STAC: variants seen among roughly 807,000 people sequenced by gnomAD.
STAC encodes SH3 and cysteine rich domain, also known as SH3 and cysteine-rich domain-containing protein.
STAC carries 43 observed loss-of-function variants against 48.8 expected under a neutral mutation model. The observed-to-expected ratio is 0.88, with a 90% CI of 0.69 to 1.14. STAC has a LOEUF of 1.14. STAC is among the 50% of genes most tolerant of loss of function. STAC has a pLI of 0.00. For synonymous variants in STAC, 193 were observed against 179.5 expected, an observed-to-expected ratio of 1.07 and a Z score of -0.60; for missense variants, 497 against 504.0, an observed-to-expected ratio of 0.99 and a Z score of 0.13.
intron 5 of STAC, among the ~76,000 whole-genome samples, chr3:36,490,914 C>T (rs113580691): frequency 2.0e-5 from 3 of 152,320 alleles, no homozygotes; most frequent in African/African-American, 7.2e-5. Context: ...TCACCGTCCA[C>T]TTATACTGGC....
chr3:36,527,109 C>G (rs970537612), intron 8 of STAC, among the ~76,000 whole-genome samples: 1 of 152,112 alleles, frequency 6.6e-6, no homozygotes, highest in African/African-American at 2.4e-5. Flanking sequence ...AGAAGCCTGT[C>G]CACATCCACC....
chr3:36,493,284 G>C (rs1698043481), intron 6 of STAC, 55 bp downstream of exon 6: 1 of 1,556,902 alleles, frequency 6.4e-7, no homozygotes, highest in Admixed American at 1.7e-5. Context: ...AGGGTCAGTG[G>C]GCAGGCCAAG....
At chr3:36,455,911 G>A (rs1236622608) in intron 2 of STAC, among the ~76,000 whole-genome samples, 1 of 152,154 alleles carries the variant, frequency 6.6e-6, no homozygotes, top group Non-Finnish European at 1.5e-5. Flanking sequence ...AACAAAGCAA[G>A]TATCATTCTA....
At chr3:36,522,530 C>T (rs982940257) in intron 8 of STAC, among the ~76,000 whole-genome samples, 11 of 152,166 alleles carry the variant, frequency 7.2e-5, no homozygotes, top group Non-Finnish European at 1.6e-4. Flanking sequence ...CCAATGCACA[C>T]CCAATACCTG....
intron 10 of STAC, among the ~76,000 whole-genome samples, chr3:36,530,449 T>C (rs1437156905): frequency 1.3e-5 from 2 of 152,200 alleles, no homozygotes; most frequent in Admixed American, 1.3e-4. Flanking sequence ...CTTAAAATTA[T>C]AGCTATTTGT....
chr3:36,417,226 T>C (rs1362871198), intron 1 of STAC, among the ~76,000 whole-genome samples: 1 of 152,156 alleles, frequency 6.6e-6, no homozygotes, highest in African/African-American at 2.4e-5. Flanking sequence ...CATGATACCC[T>C]GTGTATGCCA....
At chr3:36,504,586 T>C (rs1239618556) in intron 7 of STAC, 129 bp downstream of exon 7, 2 of 705,664 alleles carry the variant, frequency 2.8e-6, no homozygotes, top group Non-Finnish European at 5.0e-6. Flanking sequence ...TAGAATAATA[T>C]AGCACAACGT....
intron 1 of STAC, among the ~76,000 whole-genome samples, chr3:36,423,528 A>T (rs1700492529): frequency 6.6e-6 from 1 of 151,914 alleles, no homozygotes. Context: ...ATTGTATATT[A>T]GATGCGTGTT....
At chr3:36,471,268 G>A (rs1487076798) in intron 2 of STAC, among the ~76,000 whole-genome samples, 1 of 152,126 alleles carries the variant, frequency 6.6e-6, no homozygotes, top group Non-Finnish European at 1.5e-5. Context: ...AATAGCAAGA[G>A]AAAGACCAGC....
At chr3:36,505,396 T>A (rs940896189) in intron 7 of STAC, among the ~76,000 whole-genome samples, 12 of 152,162 alleles carry the variant, frequency 7.9e-5, no homozygotes, top group African/African-American at 2.9e-4. Context: ...CTACTATTCA[T>A]GTGTCCCTCT....
intron 5 of STAC, among the ~76,000 whole-genome samples, chr3:36,487,793 C>T (rs969527070): frequency 5.9e-5 from 9 of 152,222 alleles, no homozygotes; most frequent in Non-Finnish European, 1.2e-4. Flanking sequence ...TGTTTCACTT[C>T]GGTAGACATT....
At chr3:36,430,462 A>G (rs1379788941) in intron 1 of STAC, among the ~76,000 whole-genome samples, 1 of 152,240 alleles carries the variant, frequency 6.6e-6, no homozygotes, top group Admixed American at 6.5e-5. Flanking sequence ...CAGACAATAC[A>G]GCACGGACAA....
intron 6 of STAC, among the ~76,000 whole-genome samples, chr3:36,498,404 C>T (rs1698199265): frequency 6.6e-6 from 1 of 152,060 alleles, no homozygotes; most frequent in Non-Finnish European, 1.5e-5. Flanking sequence ...TTAAAAGTGA[C>T]ATGAAAGATG....
intron 2 of STAC, among the ~76,000 whole-genome samples, chr3:36,480,381 G>A (rs1697610364): frequency 6.6e-6 from 1 of 152,158 alleles, no homozygotes; most frequent in Non-Finnish European, 1.5e-5. Flanking sequence ...AAGTGATTAT[G>A]ACAGCAGACA....
chr3:36,460,295 A>G (rs1696972952), intron 2 of STAC, among the ~76,000 whole-genome samples: 6 of 152,142 alleles, frequency 3.9e-5, no homozygotes, highest in Admixed American at 3.9e-4. Context: ...GCTGGTTTTC[A>G]ACTGGAGCAA....
intron 8 of STAC, among the ~76,000 whole-genome samples, chr3:36,526,221 T>C (rs912035879): frequency 6.6e-6 from 1 of 152,078 alleles, no homozygotes; most frequent in Non-Finnish European, 1.5e-5. Flanking sequence ...CTGCAGTGGA[T>C]TGATTGCATT....
chr3:36,513,174 A>G (rs1386631232), intron 8 of STAC, among the ~76,000 whole-genome samples: 1 of 152,190 alleles, frequency 6.6e-6, no homozygotes, highest in Non-Finnish European at 1.5e-5. Context: ...TATCTGCTCA[A>G]TAATAAGAAA....
chr3:36,391,699 G>C (rs956464973), intron 1 of STAC, among the ~76,000 whole-genome samples: 1 of 152,132 alleles, frequency 6.6e-6, no homozygotes, highest in Non-Finnish European at 1.5e-5. Context: ...TGAGCGGGGC[G>C]GGCTAAGCAG....
intron 2 of STAC, among the ~76,000 whole-genome samples, chr3:36,455,409 A>G (rs903375637): frequency 6.6e-6 from 1 of 152,190 alleles, no homozygotes; most frequent in African/African-American, 2.4e-5. Flanking sequence ...CCTGCCTGTG[A>G]TATTGCTGAT....
Sources: allele counts gnomAD v4.1 joint callset (sites outside exome capture counted in the v4.1 genomes callset), GRCh38; gene constraint gnomAD v4.1.1; transcripts MANE v1.5; gene names NCBI Gene and HGNC (gene_info 2026-07-23, HGNC 2026-07-21).